TNFAIP6: variants seen among roughly 807,000 people sequenced by gnomAD.
The protein encoded by TNFAIP6 is tumor necrosis factor-inducible gene 6 protein.
TNFAIP6 carries 36 observed loss-of-function variants against 33.7 expected under a neutral mutation model. The observed-to-expected ratio is 1.07, with a 90% confidence interval of 0.82 to 1.41. TNFAIP6 has a LOEUF of 1.41. Ranked by LOEUF, TNFAIP6 falls within the 40% of genes most tolerant of loss-of-function variation. The pLI is 0.00. For missense variants in TNFAIP6, 273 were observed against 331.9 expected (o/e 0.82, Z 1.38); for synonymous variants, 113 against 112.8 (o/e 1.00, Z -0.01).
chr2:151,368,726 C>T (rs1478633876), intron 3 of TNFAIP6, among the ~76,000 whole-genome samples: 1 of 151,926 alleles, frequency 6.6e-6, no homozygotes, highest in African/African-American at 2.4e-5. Flanking sequence ...ATTAGAGTGA[C>T]TTTAAAGTCT....
chr2:151,376,113 G>A (rs1217495989), intron 5 of TNFAIP6, among the ~76,000 whole-genome samples: 1 of 152,116 alleles, frequency 6.6e-6, no homozygotes, highest in Non-Finnish European at 1.5e-5. Flanking sequence ...CGGTGTGGTG[G>A]CACGTGCCTG....
At chr2:151,368,969 G>A (rs1365837072) in intron 3 of TNFAIP6, among the ~76,000 whole-genome samples, 5 of 152,154 alleles carry the variant, frequency 3.3e-5, no homozygotes, top group Admixed American at 2.0e-4. Context: ...GAGGTGGGTC[G>A]ATCACCAGAG....
intron 2 of TNFAIP6, 90 bp downstream of exon 2, chr2:151,364,170 A>G (rs573882529): frequency 1.4e-6 from 2 of 1,455,638 alleles, no homozygotes; most frequent in South Asian, 1.3e-5. Context: ...TTCTTTCTCC[A>G]ACCCCCTTCT....
intron 5 of TNFAIP6, 100 bp from the exon 6 acceptor site, chr2:151,379,264 G>C: frequency 8.9e-7 from 1 of 1,123,004 alleles, no homozygotes; most frequent in East Asian, 2.7e-5. Context: ...TCTTGTTCAT[G>C]AATTCTTATA....
In TNFAIP6 at chr2:151,370,153, T is replaced by A. The variant is rs747510114; in HGVS notation, c.528T>A (p.Ser176Arg). ...AGTATGGTCAGCGTATTCACCTGAGTTTTTTAGATTTTGACCTTGAAGATG... is the reference window on the plus strand; with the variant it reads ...AGTATGGTCAGCGTATTCACCTGAGATTTTTAGATTTTGACCTTGAAGATG... ...RLKYGQRIHL[S>R]FLDFDLEDDP... The change falls in exon 4 of 6, where the codon AGT becomes AGA. Residue 176 changes from serine to arginine, a missense_variant. Transcript: ENST00000243347. 8.7e-6 allele frequency: 14 copies of A among 1,613,972 alleles called. No individual in the cohort carries two copies. The East Asian group carries it at 3.1e-4, about 36-fold the overall frequency.
chr2:151,376,989 G>T (rs542911857), intron 5 of TNFAIP6, among the ~76,000 whole-genome samples: 1 of 143,520 alleles, frequency 7.0e-6, no homozygotes, highest in African/African-American at 2.6e-5. Context: ...TGATTTTCCC[G>T]CACAAGGCTA....
chr2:151,370,111 C>T lies in TNFAIP6; in HGVS notation c.486C>T (p.Tyr162=), dbSNP rs1684789136. The change falls in exon 4 of 6, where the codon TAC becomes TAT. Residue 162 remains tyrosine, a synonymous_variant. Coordinates refer to ENST00000243347, the MANE Select transcript of TNFAIP6 (RefSeq NM_007115.4). ...PNEYEDNQIC[Y]WHIRLKYGQR... ...AGTACGAAGATAACCAAATCTGCTA[C>T]TGGCACATTAGACTCAAGTATGGTC... The T allele has an allele frequency of 6.2e-7, 1 of 1,614,046 alleles. No homozygotes were observed. Among genetic ancestry groups the T allele is most frequent in the South Asian group, 1.1e-5 (1 of 91,086 alleles).
At chr2:151,365,066 A>G (rs1174169814) in intron 2 of TNFAIP6, among the ~76,000 whole-genome samples, 1 of 152,218 alleles carries the variant, frequency 6.6e-6, no homozygotes, top group African/African-American at 2.4e-5. Context: ...CTAAAACATT[A>G]TGAATATCTG....
chr2:151,378,671 T>C (rs370005496), intron 5 of TNFAIP6, among the ~76,000 whole-genome samples: 27 of 151,862 alleles, frequency 1.8e-4, no homozygotes, highest in African/African-American at 6.3e-4. Flanking sequence ...GTATTTTTAA[T>C]AGAGACGGGG....
chr2:151,372,725 G>A (rs967907034), intron 4 of TNFAIP6, among the ~76,000 whole-genome samples: 6 of 152,100 alleles, frequency 3.9e-5, no homozygotes, highest in Admixed American at 1.3e-4. Flanking sequence ...TTTGCGACCA[G>A]CCTGGCCAAC....
intron 5 of TNFAIP6, among the ~76,000 whole-genome samples, chr2:151,376,887 T>G (rs1281303007): frequency 3.0e-5 from 4 of 132,696 alleles, no homozygotes; most frequent in Non-Finnish European, 6.7e-5. Flanking sequence ...TTTTTTTTTG[T>G]TTTTTTTGAG....
intron 2 of TNFAIP6, among the ~76,000 whole-genome samples, chr2:151,364,847 G>T (rs1684684629): frequency 1.3e-5 from 2 of 152,128 alleles, no homozygotes; most frequent in African/African-American, 4.8e-5. Flanking sequence ...CCAGATGACT[G>T]CTGGTCTGTA....
downstream of TNFAIP6, among the ~76,000 whole-genome samples, chr2:151,380,693 G>A (rs1684999239): frequency 6.6e-6 from 1 of 152,152 alleles, no homozygotes; most frequent in Admixed American, 6.5e-5. Context: ...TAAAGCAGAG[G>A]CAACTTCCTT....
intron 1 of TNFAIP6, among the ~76,000 whole-genome samples, chr2:151,362,189 T>A (rs761070451): frequency 2.6e-5 from 4 of 152,296 alleles, no homozygotes; most frequent in African/African-American, 2.4e-5. Flanking sequence ...GTCCTGGGAA[T>A]CTTTTCACAT....
chr2:151,364,945 T>G (rs1351565329), intron 2 of TNFAIP6, among the ~76,000 whole-genome samples: 1 of 152,160 alleles, frequency 6.6e-6, no homozygotes, highest in African/African-American at 2.4e-5. Flanking sequence ...CTAGTAAAAT[T>G]GCTCTTGGTG....
chr2:151,379,362 A>G lies in TNFAIP6; in HGVS notation c.665-2A>G. 1.9e-6 allele frequency: 3 copies of G among 1,576,850 alleles called. No homozygotes were observed. Among genetic ancestry groups the G allele is most frequent in the Non-Finnish European group, 2.6e-6 (3 of 1,168,158 alleles). The stretch of plus-strand genomic sequence containing the variant: ...GTTCTTTTGCCTCCTTCCCCGCAAC[A>G]GGAAATGTCATGACCTTGAAGTTTC... On this transcript the variant is annotated splice_acceptor_variant, in intron 5 of 5. Transcript: ENST00000243347. LOFTEE classifies it high-confidence loss of function.
intron 4 of TNFAIP6, chr2:151,372,325 A>G (rs1225132726): frequency 6.6e-6 from 1 of 152,232 alleles, no homozygotes; most frequent in African/African-American, 2.4e-5. Context: ...AGGTTTGAAC[A>G]GGCTAATTTG....
chr2:151,362,496 T>TC (rs1684641995), intron 1 of TNFAIP6, among the ~76,000 whole-genome samples: 1 of 118,672 alleles, frequency 8.4e-6, no homozygotes, highest in Non-Finnish European at 1.8e-5. Context: ...TTTTTTTTTT[T>TC]TTTTTTTTTT....
At chr2:151,376,865 C>CTTTTTTTTTTTTTTTTTTT (rs71403162) in intron 5 of TNFAIP6, among the ~76,000 whole-genome samples, 42 of 114,174 alleles carry the variant, frequency 3.7e-4, no homozygotes, top group African/African-American at 1.0e-3. Flanking sequence ...TTTTTCTTTT[C>CTTTTTTTTTTTTTTTTTTT]TTTTTTTTTT....
Sources: allele counts gnomAD v4.1 joint callset (sites outside exome capture counted in the v4.1 genomes callset), GRCh38; gene constraint gnomAD v4.1.1; transcripts MANE v1.5; gene names NCBI Gene and HGNC (gene_info 2026-07-23, HGNC 2026-07-21).